Variants in SLAMF6 observed in about 807,000 individuals in gnomAD.
SLAMF6 encodes the protein SLAM family member 6, also known as NK-T-B-antigen.
In SLAMF6, 21 loss-of-function variants were observed where a neutral mutation model predicts 38.3. The ratio of observed to expected loss-of-function variants is 0.55; its 90% confidence interval spans 0.39 to 0.79. The LOEUF (loss-of-function observed/expected upper bound fraction) is 0.79. Among genes scored for constraint, SLAMF6 ranks in the 30% least tolerant of loss-of-function variants. The probability of loss-of-function intolerance (pLI) is 0.00; values close to 1 mark genes in which losing one functional copy is unlikely to be tolerated. For synonymous variants in SLAMF6, 152 were observed against 146.3 expected, an observed-to-expected ratio of 1.04 and a Z score of -0.28; for missense variants, 341 against 385.3, an observed-to-expected ratio of 0.89 and a Z score of 0.96.
At chr1:160,491,536 G>T in intron 2 of SLAMF6, 148 bp from the exon 3 acceptor site, 2 of 1,156,978 alleles carry the variant, frequency 1.7e-6, no homozygotes, top group Non-Finnish European at 1.2e-6. Context: ...TGCTTATATT[G>T]CCTAATTGAT....
At chr1:160,491,097 G>C in intron 3 of SLAMF6, 28 bp downstream of exon 3, 1 of 1,611,370 alleles carries the variant, frequency 6.2e-7, no homozygotes, top group Non-Finnish European at 8.5e-7. Context: ...AGCTGCTCAA[G>C]GCTCTCAGAC....
At chr1:160,513,607 A>G (rs568846461) in intron 1 of SLAMF6, among the ~76,000 whole-genome samples, 32 of 152,334 alleles carry the variant, frequency 2.1e-4, no homozygotes, top group African/African-American at 7.7e-4. Flanking sequence ...AAGGGCAGCC[A>G]GAGAGAAAGG....
rs566066735 is a variant in SLAMF6 at position 160,490,994 on chromosome 1, AG to A, written c.646+130del. On this transcript the variant is annotated intron_variant, in intron 3 of 7. Transcript: ENST00000368057. ...AGTACTGAGAGATGCAGAGCTCCAGAGGGCATCTGTCCCCTCCCAGCAGCAT... is the reference window on the plus strand; with the variant it reads ...AGTACTGAGAGATGCAGAGCTCCAGAGGCATCTGTCCCCTCCCAGCAGCAT... The A allele has an allele frequency of 8.5e-4, 985 of 1,157,574 alleles. 2 individuals are homozygous for A. Among genetic ancestry groups the A allele is most frequent in the Middle Eastern group, 7.4e-3 (25 of 3,362 alleles). 71.7% of individuals were successfully genotyped at this position (1,157,574 alleles called of 1,614,324 possible).
intron 4 of SLAMF6, 35 bp from the exon 5 acceptor site, chr1:160,490,271 C>G: frequency 6.2e-7 from 1 of 1,612,636 alleles, no homozygotes; most frequent in Non-Finnish European, 8.5e-7. Flanking sequence ...AAATGTGTGA[C>G]AGCAGTGGGA....
chr1:160,486,904 A>G (rs1465747283), intron 7 of SLAMF6, 150 bp from the exon 8 acceptor site: 1 of 1,015,040 alleles, frequency 9.9e-7, no homozygotes, highest in African/African-American at 1.7e-5. Flanking sequence ...AAAAACATGT[A>G]ATTGAAAACT....
At chr1:160,500,672 G>A (rs552055521) in intron 1 of SLAMF6, among the ~76,000 whole-genome samples, 1 of 152,072 alleles carries the variant, frequency 6.6e-6, no homozygotes, top group Admixed American at 6.6e-5. Flanking sequence ...AATCTCCATG[G>A]AGACAAAGAT....
intron 7 of SLAMF6, 78 bp downstream of exon 7, chr1:160,487,026 A>AT: frequency 7.5e-7 from 1 of 1,332,626 alleles, no homozygotes; most frequent in Non-Finnish European, 1.1e-6. Flanking sequence ...TGACCCTTTT[A>AT]TTTTTACTTT....
chr1:160,491,397 A>AG lies in SLAMF6; in HGVS notation c.383-10dup. The AG allele has an allele frequency of 6.2e-7, 1 of 1,602,472 alleles. No individual in the cohort carries two copies. Among genetic ancestry groups the AG allele is most frequent in the Non-Finnish European group, 8.5e-7 (1 of 1,174,676 alleles). On this transcript the variant is annotated splice_polypyrimidine_tract_variant and intron_variant, in intron 2 of 7. Coordinates refer to ENST00000368057, the MANE Select transcript of SLAMF6 (RefSeq NM_001184714.2). ...TATGTTCCTCAGTTGTCCTGTTTGC[A>AG]GAAAAAAAAAAGATCCAGATTAAGG...
intron 6 of SLAMF6, among the ~76,000 whole-genome samples, chr1:160,488,593 C>T (rs1307083932): frequency 2.0e-5 from 3 of 152,064 alleles, no homozygotes; most frequent in Non-Finnish European, 4.4e-5. Context: ...AACCATTGCT[C>T]ATGGTTTAGT....
intron 7 of SLAMF6, 159 bp from the exon 8 acceptor site, chr1:160,486,913 C>G (rs1652992641): frequency 4.4e-6 from 2 of 453,986 alleles, no homozygotes; most frequent in South Asian, 9.5e-5. Context: ...TAATTGAAAA[C>G]TCAGTTATGC....
At chr1:160,518,019 TAAAAG>T (rs1448074683) in intron 1 of SLAMF6, among the ~76,000 whole-genome samples, 1 of 151,932 alleles carries the variant, frequency 6.6e-6, no homozygotes, top group African/African-American at 2.4e-5. Context: ...AAATAAAAAT[TAAAAG>T]AAAGAAATGT....
At chr1:160,504,415 C>G (rs578024033) in intron 1 of SLAMF6, among the ~76,000 whole-genome samples, 1 of 152,216 alleles carries the variant, frequency 6.6e-6, no homozygotes, top group East Asian at 1.9e-4. Context: ...CATTGGGGAG[C>G]TTTGCAGAAT....
intron 6 of SLAMF6, among the ~76,000 whole-genome samples, chr1:160,488,095 A>G (rs1653064385): frequency 6.6e-6 from 1 of 151,732 alleles, no homozygotes; most frequent in African/African-American, 2.4e-5. Flanking sequence ...TGTCTCAAAA[A>G]AAAAAAAAAA....
At chr1:160,495,328 A>G (rs1265382637) in intron 2 of SLAMF6, among the ~76,000 whole-genome samples, 1 of 152,196 alleles carries the variant, frequency 6.6e-6, no homozygotes, top group Admixed American at 6.5e-5. Context: ...AATATCACTG[A>G]TTGCTAGAGA....
chr1:160,491,063 A>C lies in SLAMF6; in HGVS notation c.646+62T>G, dbSNP rs776637103. On this transcript the variant is annotated intron_variant, in intron 3 of 7. Transcript: ENST00000368057. Reference sequence around the variant, plus strand: ...GCCACTGTATTGGAAATTACGTAGGATGTGAGGACGCGTTAAACCCCATAG... The same window carrying C: ...GCCACTGTATTGGAAATTACGTAGGCTGTGAGGACGCGTTAAACCCCATAG... 64 of 1,588,266 alleles carry C rather than the reference A, an allele frequency of 4.0e-5. 2 individuals are homozygous for C. The Admixed American group carries it at 1.1e-3, about 27-fold the overall frequency.
At chr1:160,499,573 A>G (rs1448806025) in intron 1 of SLAMF6, among the ~76,000 whole-genome samples, 1 of 152,114 alleles carries the variant, frequency 6.6e-6, no homozygotes, top group East Asian at 1.9e-4. Flanking sequence ...GAATTTTAGA[A>G]TGGTTTTTCT....
chr1:160,497,465 A>G (rs1339730260), intron 1 of SLAMF6, among the ~76,000 whole-genome samples: 3 of 152,206 alleles, frequency 2.0e-5, no homozygotes, highest in Admixed American at 6.6e-5. Context: ...ATGAATAACT[A>G]TAACAATTAC....
At chr1:160,494,345 C>G (rs1035855190) in intron 2 of SLAMF6, among the ~76,000 whole-genome samples, 3 of 152,108 alleles carry the variant, frequency 2.0e-5, no homozygotes, top group Non-Finnish European at 4.4e-5. Flanking sequence ...GGAACATTAT[C>G]TCAGCAAATG....
chr1:160,490,176 A>C, intron 5 of SLAMF6, 22 bp downstream of exon 5: 1 of 1,612,864 alleles, frequency 6.2e-7, no homozygotes, highest in Non-Finnish European at 8.5e-7. Context: ...TATGATGGAG[A>C]GTTAAGAGTC....
Sources: gnomAD v4.1 joint callset for allele counts (sites outside exome capture counted in the v4.1 genomes callset) on GRCh38, gnomAD v4.1.1 for gene constraint, MANE v1.5 for transcripts, NCBI Gene and HGNC (gene_info 2026-07-23, HGNC 2026-07-21) for gene names.